USP26: variants seen among roughly 807,000 people sequenced by gnomAD.
USP26 encodes ubiquitin carboxyl-terminal hydrolase 26.
For missense variants in USP26, 649 were observed against 642.3 expected (o/e 1.01, Z -0.11); for synonymous variants, 236 against 240.6 (o/e 0.98, Z 0.18).
Position 133,028,198 on chromosome X carries a change from C to T in USP26, c.23G>A (p.Gly8Asp). Reference protein sequence around the residue: MAALFLRGFVQIGNCKTG... With the variant: MAALFLRDFVQIGNCKTG... ...CTTGCAGTTCCCTATTTGGACAAAA[C>T]CACGTAGGAATAGGGCAGCCATGTT... is the stretch of plus-strand genomic sequence containing the variant. Residue 8 changes from glycine to aspartate, a missense_variant, in exon 6 of 6, where the codon GGT becomes GAT. Coordinates refer to ENST00000511190, the MANE Select transcript of USP26 (RefSeq NM_031907.3). 1 of 1,209,468 alleles carries T rather than the reference C, an allele frequency of 8.3e-7. No homozygotes were observed. The highest frequency in any genetic ancestry group is 1.8e-5 in the South Asian group (1 of 56,917).
At chrX:133,057,336 G>C (rs913071495) in intron 5 of USP26, among the ~76,000 whole-genome samples, 2 of 111,589 alleles carry the variant, frequency 1.8e-5, no homozygotes, top group Non-Finnish European at 3.8e-5. Flanking sequence ...TTTCATTTCT[G>C]GTATTAGTAA....
chrX:133,026,503 A>C lies in USP26; in HGVS notation c.1718T>G (p.Leu573Ter). 8.3e-7 allele frequency: 1 copy of C among 1,208,642 alleles called. No homozygotes were observed. The highest frequency in any genetic ancestry group is 1.1e-6 in the Non-Finnish European group (1 of 894,599). The change falls in exon 6 of 6, where the codon TTA (leucine) becomes TGA (stop). Residue 573 changes from leucine (L) to a stop codon, truncating the protein, a stop_gained. Transcript: ENST00000511190. LOFTEE classifies it low-confidence loss of function (END_TRUNC). Reference protein sequence around the residue: ...EDGEITDFQLLKVIRKMTSGN... With the variant: ...EDGEITDFQL ...AGAAGTCATCTTTCGAATAACTTTT[A>C]ATAATTGGAAATCTGTAATTTCTCC... is the stretch of plus-strand genomic sequence containing the variant.
chrX:133,093,205 G>T (rs1396878011), intron 1 of USP26, among the ~76,000 whole-genome samples: 1 of 111,500 alleles, frequency 9.0e-6, no homozygotes, highest in Non-Finnish European at 1.9e-5. Context: ...GGGATCACTT[G>T]AGCCCAGGAA....
At chrX:133,054,437 T>A (rs1173084631) in intron 5 of USP26, among the ~76,000 whole-genome samples, 1 of 111,809 alleles carries the variant, frequency 8.9e-6, no homozygotes, top group Non-Finnish European at 1.9e-5. Flanking sequence ...CACTGAGCAT[T>A]CAAGTCACAT....
intron 5 of USP26, among the ~76,000 whole-genome samples, chrX:133,038,460 A>G (rs956651756): frequency 1.8e-5 from 2 of 111,838 alleles, no homozygotes; most frequent in African/African-American, 6.5e-5. Context: ...TATGTGATGG[A>G]TTAAGTTTAT....
At chrX:133,042,143 G>A (rs1032596719) in intron 5 of USP26, among the ~76,000 whole-genome samples, 5 of 111,911 alleles carry the variant, frequency 4.5e-5, no homozygotes, top group Admixed American at 2.8e-4. Context: ...AGCTTGCTGG[G>A]CTCCATGGGA....
chrX:133,025,631 C>G lies in USP26; in HGVS notation c.2590G>C (p.Gly864Arg). The G allele has an allele frequency of 8.3e-7, 1 of 1,211,280 alleles. No homozygotes were observed. Among genetic ancestry groups the G allele is most frequent in the Non-Finnish European group, 1.1e-6 (1 of 895,361 alleles). Residue 864 changes from glycine to arginine, a missense_variant, in exon 6 of 6, where the codon GGT becomes CGT. Physicochemically the swap from Gly to Arg is moderately radical, Grantham distance 125. Transcript: ENST00000511190. ...WFTYDDMRVL[G>R]IQEAQMQEDR... ...TCCTGCATCTGGGCCTCCTGGATAC[C>G]TAACACCCGCATATCATCGTAAGTG...
intron 5 of USP26, among the ~76,000 whole-genome samples, chrX:133,043,627 T>C (rs2067426967): frequency 8.9e-6 from 1 of 112,481 alleles, no homozygotes; most frequent in Admixed American, 9.4e-5. Context: ...TGCTTCCTGC[T>C]GGGAGCAGTG....
At chrX:133,045,470 C>G (rs1031931440) in intron 5 of USP26, among the ~76,000 whole-genome samples, 7 of 112,094 alleles carry the variant, frequency 6.2e-5, no homozygotes, top group African/African-American at 1.9e-4. Flanking sequence ...ACTGTGGAAA[C>G]TTTGTTCTTT....
At chrX:133,072,659 G>C (rs1024266247) in intron 5 of USP26, among the ~76,000 whole-genome samples, 5 of 112,528 alleles carry the variant, frequency 4.4e-5, no homozygotes, top group Non-Finnish European at 7.5e-5. Flanking sequence ...CAAGAATTTT[G>C]GTCCTTATAA....
At chrX:133,096,466 A>G (rs1428406972) in intron 1 of USP26, among the ~76,000 whole-genome samples, 2 of 111,772 alleles carry the variant, frequency 1.8e-5, no homozygotes, top group Non-Finnish European at 3.8e-5. Flanking sequence ...AACCGACTCC[A>G]AAAGATAACC....
chrX:133,082,504 G>A (rs1037875836), intron 5 of USP26, among the ~76,000 whole-genome samples: 3 of 112,227 alleles, frequency 2.7e-5, no homozygotes, highest in Non-Finnish European at 3.8e-5. Context: ...GATAAACAAA[G>A]TGATTAAGAA....
At chrX:133,030,189 T>C (rs1236758568) in intron 5 of USP26, among the ~76,000 whole-genome samples, 1 of 111,105 alleles carries the variant, frequency 9.0e-6, no homozygotes, top group African/African-American at 3.3e-5. Flanking sequence ...TTTCTCTCAT[T>C]TTACCTACAA....
intron 5 of USP26, among the ~76,000 whole-genome samples, chrX:133,054,148 T>C (rs191495203): frequency 8.9e-6 from 1 of 111,853 alleles, no homozygotes; most frequent in African/African-American, 3.2e-5. Context: ...GTTCTAGGGG[T>C]TATGCTTCCT....
intron 5 of USP26, among the ~76,000 whole-genome samples, chrX:133,071,269 A>G (rs1368466843): frequency 9.0e-6 from 1 of 110,879 alleles, no homozygotes; most frequent in African/African-American, 3.3e-5. Flanking sequence ...AAAAACTAAA[A>G]CAAACACACC....
intron 5 of USP26, among the ~76,000 whole-genome samples, chrX:133,082,986 A>G (rs748413415): frequency 2.4e-4 from 27 of 111,562 alleles, no homozygotes; most frequent in Non-Finnish European, 4.7e-4. Context: ...GGTAAGGGCA[A>G]TATTTATGTC....
chrX:133,036,579 C>T (rs751070745), intron 5 of USP26, among the ~76,000 whole-genome samples: 31 of 111,711 alleles, frequency 2.8e-4, no homozygotes, highest in Middle Eastern at 4.6e-3. Context: ...ATTCAGTCAT[C>T]GAAGGGCATT....
At chrX:133,094,159 C>T (rs986394736) in intron 1 of USP26, among the ~76,000 whole-genome samples, 47 of 110,681 alleles carry the variant, frequency 4.2e-4, no homozygotes, top group Admixed American at 2.0e-4. Flanking sequence ...TTAATTATCC[C>T]ACTGAATACA....
intron 5 of USP26, among the ~76,000 whole-genome samples, chrX:133,065,331 C>G (rs935411612): frequency 8.9e-6 from 1 of 111,890 alleles, no homozygotes; most frequent in Non-Finnish European, 1.9e-5. Context: ...CCTTCTGAAA[C>G]CATTCCAAAC....
Sources: gnomAD v4.1 joint callset for allele counts (sites outside exome capture counted in the v4.1 genomes callset) on GRCh38, gnomAD v4.1.1 for gene constraint, MANE v1.5 for transcripts, NCBI Gene and HGNC (gene_info 2026-07-23, HGNC 2026-07-21) for gene names.